The following TRPV1 variants were observed in gnomAD, a reference collection of about 807,000 sequenced individuals.
TRPV1 encodes OTRPC1.
Under a neutral mutation model 82.3 loss-of-function variants are expected in TRPV1, and 82 were observed. The observed-to-expected ratio is 1.00, with a 90% CI of 0.83 to 1.20. TRPV1 has a LOEUF of 1.20. Among genes scored for constraint, TRPV1 ranks in the 50% most tolerant of loss-of-function variants. The pLI, the probability that TRPV1 is intolerant of heterozygous loss-of-function variation, is 0.00. For synonymous variants in TRPV1, 515 were observed against 467.7 expected (o/e 1.10, Z -1.30); for missense variants, 1,067 against 1,096.8 (o/e 0.97, Z 0.38).
intron 16 of TRPV1, 22 bp from the exon 17 acceptor site, chr17:3,567,009 A>G: frequency 1.2e-6 from 2 of 1,610,194 alleles, no homozygotes; most frequent in South Asian, 1.1e-5. Flanking sequence ...CACTATTACT[A>G]CCTTGGATGC....
rs2150827942 is a variant in TRPV1, at chr17:3,573,711, C to T, written c.2025G>A (p.Leu675=). ...LAYVILTYIL[L]LNMLIALMGE... is the part of the protein sequence containing the mutation. Reference sequence around the variant, plus strand: ...CCATGAGGGCGATGAGCATGTTGAGCAGGAGGATGTAGGTGAGAATTACAT... The same window carrying T: ...CCATGAGGGCGATGAGCATGTTGAGTAGGAGGATGTAGGTGAGAATTACAT... The change falls in exon 14 of 17, where the codon CTG becomes CTA. Residue 675 remains leucine, a synonymous_variant. Transcript: ENST00000572705. 6.2e-7 allele frequency: 1 copy of T among 1,614,044 alleles called. No individual in the cohort carries two copies.
intron 7 of TRPV1, chr17:3,588,806 C>T: frequency 1.9e-6 from 2 of 1,053,732 alleles, no homozygotes; most frequent in Non-Finnish European, 2.6e-6. Flanking sequence ...AAGAGCGAAA[C>T]CTCATCTAAA....
intron 16 of TRPV1, among the ~76,000 whole-genome samples, chr17:3,569,913 G>A (rs1457356055): frequency 1.3e-5 from 2 of 150,824 alleles, no homozygotes; most frequent in Non-Finnish European, 2.9e-5. Context: ...GGGGCCAGGG[G>A]CCAAGTGGTC....
chr17:3,577,836 C>G (rs1597521316), intron 11 of TRPV1, 73 bp from the exon 12 acceptor site: 1 of 1,451,574 alleles, frequency 6.9e-7, no homozygotes, highest in African/African-American at 1.4e-5. Context: ...CAAAAGGTCA[C>G]AGGCCGCTCA....
chr17:3,582,610 TAA>T (rs58690941), intron 10 of TRPV1, among the ~76,000 whole-genome samples: 45,489 of 147,396 alleles, frequency 0.31, 8,698 homozygotes, highest in East Asian at 0.77. Flanking sequence ...ACTCCTGCAT[TAA>T]AAAAAAAAAA....
intron 14 of TRPV1, among the ~76,000 whole-genome samples, chr17:3,572,865 C>T (rs2074873674): frequency 6.6e-6 from 1 of 152,080 alleles, no homozygotes. Flanking sequence ...TGCCTGCAAT[C>T]CCAGCTACTA....
At chr17:3,601,391 C>T (rs1214622994) in intron 2 of TRPV1, among the ~76,000 whole-genome samples, 23 of 151,906 alleles carry the variant, frequency 1.5e-4, no homozygotes, top group Admixed American at 1.5e-3. Flanking sequence ...CACCCTGAGC[C>T]CACAGACCCA....
At chr17:3,594,152 AGAAGC>A (rs1327289757) in intron 2 of TRPV1, among the ~76,000 whole-genome samples, 8 of 116,022 alleles carry the variant, frequency 6.9e-5, no homozygotes, top group African/African-American at 2.8e-4. Context: ...AAAAAAAAAA[AGAAGC>A]AGCAGCAGCA....
chr17:3,571,107 T>C lies in TRPV1; in HGVS notation c.2347+417A>G, dbSNP rs16953166. Among the ~76,000 whole-genome samples the C allele has an allele frequency of 6.8e-3, 1,036 of 152,308 alleles. 37 individuals carry two copies. Among genetic ancestry groups the C allele is most frequent in the Admixed American group, 0.051 (779 of 15,304 alleles). Reference sequence around the variant, plus strand: ...CCCAGATGTGTCCATGAGTGACAAGTGTTCCCGTCTGCCTGTTTGTGTCCG... The same window carrying C: ...CCCAGATGTGTCCATGAGTGACAAGCGTTCCCGTCTGCCTGTTTGTGTCCG... On this transcript the variant is annotated intron_variant, in intron 16 of 16. Transcript: ENST00000572705.
chr17:3,592,873 G>A (rs547247637), intron 2 of TRPV1: 20 of 140,984 alleles, frequency 1.4e-4, no homozygotes, highest in Middle Eastern at 3.4e-3. Flanking sequence ...TAGGGTGAGC[G>A]GCAGAGACTG....
At chr17:3,609,149 G>C (rs1567679462) in intron 1 of TRPV1, 160 bp downstream of exon 1, 2 of 152,242 alleles carry the variant, frequency 1.3e-5, no homozygotes, top group Non-Finnish European at 2.9e-5. Flanking sequence ...GCTTCCCAAA[G>C]TGCTGGGATT....
At chr17:3,602,756 C>T (rs1329878895) in intron 2 of TRPV1, among the ~76,000 whole-genome samples, 1 of 152,206 alleles carries the variant, frequency 6.6e-6, no homozygotes, top group African/African-American at 2.4e-5. Flanking sequence ...GAGTTCTTGA[C>T]ATTAAGCTGA....
At chr17:3,596,795 A>C (rs145860449) in intron 2 of TRPV1, 6 of 152,428 alleles carry the variant, frequency 3.9e-5, no homozygotes, top group Non-Finnish European at 7.3e-5. Context: ...GGGCACAGAG[A>C]GGTGAGTGGA....
At chr17:3,570,246 T>C (rs531353881) in intron 16 of TRPV1, among the ~76,000 whole-genome samples, 1 of 152,064 alleles carries the variant, frequency 6.6e-6, no homozygotes, top group East Asian at 1.9e-4. Context: ...GGCAGGCACC[T>C]GTAATCCCAG....
intron 3 of TRPV1, among the ~76,000 whole-genome samples, 178 bp from the exon 4 acceptor site, chr17:3,591,531 G>A (rs1023599701): frequency 2.6e-5 from 4 of 152,226 alleles, no homozygotes; most frequent in Non-Finnish European, 5.9e-5. Flanking sequence ...CAGGGACAGT[G>A]GAGGGCATGT....
At chr17:3,581,777 C>T (rs569701554) in intron 10 of TRPV1, among the ~76,000 whole-genome samples, 132 of 146,118 alleles carry the variant, frequency 9.0e-4, no homozygotes, top group African/African-American at 3.1e-3. Context: ...CCCAGCTACT[C>T]GGGAGGCTGA....
intron 14 of TRPV1, 142 bp downstream of exon 14, chr17:3,573,491 G>T: frequency 1.1e-6 from 1 of 890,704 alleles, no homozygotes; most frequent in Non-Finnish European, 1.7e-6. Context: ...AGCTGGGTAA[G>T]GCAGCGGATA....
At chr17:3,574,105 TCA>T (rs1427099186) in intron 13 of TRPV1, 150 bp from the exon 14 acceptor site, 3 of 673,488 alleles carry the variant, frequency 4.5e-6, no homozygotes, top group Admixed American at 3.1e-5. Context: ...AAAAAAATTT[TCA>T]TAGTATATTT....
In TRPV1 at chr17:3,590,081, G is replaced by A. The variant is rs201029035; in HGVS notation, c.770C>T (p.Ala257Val). Residue 257 changes from alanine (A) to valine (V), a missense_variant, in exon 7 of 17, where the codon GCG becomes GTG. Physicochemically the swap from Ala to Val is moderately conservative, Grantham distance 64 (BLOSUM62 0). Coordinates refer to ENST00000572705, the MANE Select transcript of TRPV1 (RefSeq NM_080704.4). ...CACGATGCCCAGCTGGTTGGTGCAC[G>A]CGGCCAGGGACAGGGGCAGTTCACC... ...YFGELPLSLA[A>V]CTNQLGIVKF... 2.2e-5 allele frequency: 36 copies of A among 1,606,498 alleles called. No individual in the cohort carries two copies. In the Admixed American group the frequency reaches 2.9e-4, roughly 13 times the overall value.
Sources: allele counts gnomAD v4.1 joint callset (sites outside exome capture counted in the v4.1 genomes callset), GRCh38; gene constraint gnomAD v4.1.1; transcripts MANE v1.5; gene names NCBI Gene and HGNC (gene_info 2026-07-23, HGNC 2026-07-21).